STAC: variants seen among roughly 807,000 people sequenced by gnomAD.
STAC encodes SH3 and cysteine-rich domain-containing protein.
STAC carries 43 observed loss-of-function variants against 48.8 expected under a neutral mutation model. That is an observed-to-expected ratio of 0.88 (90% CI 0.69 to 1.14). The LOEUF (loss-of-function observed/expected upper bound fraction) is 1.14. Among genes scored for constraint, STAC ranks in the 50% most tolerant of loss-of-function variants. The pLI is 0.00. For synonymous variants in STAC, 193 were observed against 179.5 expected (o/e 1.07, Z -0.60); for missense variants, 497 against 504.0 (o/e 0.99, Z 0.13).
rs927181003 is a variant in STAC at position 36,530,806 on chromosome 3, C to G, written c.1110+1821C>G. 7.2e-5 allele frequency among the ~76,000 whole-genome samples: 11 copies of G among 152,040 alleles called. No homozygotes were observed. The East Asian group carries it at 9.7e-4, about 13-fold the overall frequency. ...ACAGTCAGGATTTCTCCATGTTGGT[C>G]AGGCTGGTCTCAAACTCTGGACCTC... On this transcript the variant is annotated intron_variant, in intron 10 of 10. Coordinates refer to ENST00000273183, the MANE Select transcript of STAC (RefSeq NM_003149.3).
chr3:36,466,075 A>G (rs1697161334), intron 2 of STAC, among the ~76,000 whole-genome samples: 2 of 152,334 alleles, frequency 1.3e-5, no homozygotes, highest in African/African-American at 4.8e-5. Context: ...TGATTTTTGT[A>G]TAAGGTGAGA....
chr3:36,505,674 C>T, intron 7 of STAC, 72 bp from the exon 8 acceptor site: 1 of 1,014,986 alleles, frequency 9.9e-7, no homozygotes, highest in Non-Finnish European at 1.5e-6. Context: ...TCTCCATTTC[C>T]TGTTTTCTTT....
intron 2 of STAC, among the ~76,000 whole-genome samples, chr3:36,472,274 G>A (rs759227997): frequency 9.9e-5 from 15 of 152,022 alleles, no homozygotes; most frequent in South Asian, 2.1e-4. Flanking sequence ...AGTCCCTAGC[G>A]TGGGGGCCCT....
chr3:36,460,412 C>T (rs991371926), intron 2 of STAC, among the ~76,000 whole-genome samples: 39 of 152,092 alleles, frequency 2.6e-4, no homozygotes, highest in African/African-American at 8.9e-4. Context: ...TTGGGACACA[C>T]TTGTCCCATG....
rs765548085 is a variant in STAC at position 36,514,204 on chromosome 3, C to CTTTTTTTTTTTTTT, written c.920+8388_920+8401dup. Among the ~76,000 whole-genome samples the CTTTTTTTTTTTTTT allele has an allele frequency of 5.5e-5, 2 of 36,434 alleles. 1 individual carries two copies. The highest frequency in any genetic ancestry group is 2.0e-4 in the African/African-American group (2 of 9,844). 23.9% of individuals were successfully genotyped at this position (36,434 alleles called of 152,430 possible). On this transcript the variant is annotated intron_variant, in intron 8 of 10. Coordinates refer to ENST00000273183, the MANE Select transcript of STAC (RefSeq NM_003149.3). ...TCTCTGATCCATCTACACTGGCCTT[C>CTTTTTTTTTTTTTT]TTTTTTTTTTTTTTTTTTTTTTTTT...
intron 8 of STAC, among the ~76,000 whole-genome samples, chr3:36,523,912 G>C (rs898823736): frequency 6.6e-6 from 1 of 152,202 alleles, no homozygotes; most frequent in African/African-American, 2.4e-5. Context: ...ATTAAGAAAG[G>C]GTTCAGAAGA....
intron 2 of STAC, among the ~76,000 whole-genome samples, chr3:36,460,169 C>G (rs943808121): frequency 6.6e-6 from 1 of 152,002 alleles, no homozygotes; most frequent in Admixed American, 6.6e-5. Flanking sequence ...CTGCCCCATT[C>G]TTGCCCTATA....
chr3:36,392,051 ACT>A (rs1699760720), intron 1 of STAC, among the ~76,000 whole-genome samples: 1 of 151,682 alleles, frequency 6.6e-6, no homozygotes, highest in African/African-American at 2.4e-5. Context: ...CCCCTCTAAC[ACT>A]CTGTTTTATC....
At chr3:36,454,650 G>A (rs536512169) in intron 2 of STAC, among the ~76,000 whole-genome samples, 2 of 152,074 alleles carry the variant, frequency 1.3e-5, no homozygotes, top group Non-Finnish European at 2.9e-5. Context: ...GGACCAAGTG[G>A]CAAGAGAACA....
intron 1 of STAC, among the ~76,000 whole-genome samples, chr3:36,386,379 A>G (rs73054116): frequency 0.069 from 10,407 of 150,874 alleles, 417 homozygotes; most frequent in Middle Eastern, 0.092. Flanking sequence ...GAGAGAAAAA[A>G]TGTATTGCAG....
intron 2 of STAC, among the ~76,000 whole-genome samples, chr3:36,460,635 T>A (rs552553124): frequency 1.3e-5 from 2 of 149,554 alleles, no homozygotes; most frequent in Non-Finnish European, 3.0e-5. Context: ...AGGGCAGCCC[T>A]GCACACATAC....
intron 5 of STAC, among the ~76,000 whole-genome samples, chr3:36,492,371 C>T (rs948961771): frequency 4.6e-5 from 7 of 152,082 alleles, no homozygotes; most frequent in African/African-American, 1.7e-4. Flanking sequence ...CTGGAGGCAA[C>T]GCCTGTGATT....
intron 2 of STAC, among the ~76,000 whole-genome samples, chr3:36,444,703 A>G (rs1371715301): frequency 6.6e-6 from 1 of 152,182 alleles, no homozygotes; most frequent in Non-Finnish European, 1.5e-5. Context: ...CCACCTGACA[A>G]AGGGCTTGGA....
At chr3:36,473,748 A>G (rs1697408400) in intron 2 of STAC, among the ~76,000 whole-genome samples, 1 of 152,226 alleles carries the variant, frequency 6.6e-6, no homozygotes, top group African/African-American at 2.4e-5. Flanking sequence ...GGTTTTAAAA[A>G]TTGGTAAAAC....
intron 1 of STAC, among the ~76,000 whole-genome samples, chr3:36,430,294 G>T (rs1700669393): frequency 6.6e-6 from 1 of 152,206 alleles, no homozygotes; most frequent in South Asian, 2.1e-4. Flanking sequence ...ACTGCTGCAG[G>T]TTATGGTAGA....
At chr3:36,481,261 A>C (rs897033018) in intron 2 of STAC, among the ~76,000 whole-genome samples, 1 of 152,186 alleles carries the variant, frequency 6.6e-6, no homozygotes, top group Non-Finnish European at 1.5e-5. Context: ...TGGGCTCCCA[A>C]AGCCTGCAGA....
chr3:36,538,883 C>A (rs996625316), intron 10 of STAC, among the ~76,000 whole-genome samples: 1 of 152,084 alleles, frequency 6.6e-6, no homozygotes, highest in African/African-American at 2.4e-5. Context: ...CCACATGTGA[C>A]CAATATTTTC....
rs571013762 is a variant in STAC at position 36,509,672 on chromosome 3, C to G, written c.920+3838C>G. Among the ~76,000 whole-genome samples, 3 of 151,402 alleles carry G rather than the reference C, an allele frequency of 2.0e-5. No individual in the cohort carries two copies. In the South Asian group the frequency reaches 6.3e-4, roughly 32 times the overall value. ...AAGTTGATCTTCAATCTCTGATATT[C>G]TTTCTTCTGCTTGACTGAAAAAAAC... On this transcript the variant is annotated intron_variant, in intron 8 of 10. Coordinates refer to ENST00000273183, the MANE Select transcript of STAC (RefSeq NM_003149.3).
chr3:36,486,459 T>C (rs45619738), intron 5 of STAC, among the ~76,000 whole-genome samples: 2,660 of 152,230 alleles, frequency 0.017, 21 homozygotes, highest in Non-Finnish European at 0.021. Context: ...TACTTTCCTG[T>C]CCAAAGACCA....
Sources: gnomAD v4.1 joint callset for allele counts (sites outside exome capture counted in the v4.1 genomes callset) on GRCh38, gnomAD v4.1.1 for gene constraint, MANE v1.5 for transcripts, NCBI Gene and HGNC (gene_info 2026-07-23, HGNC 2026-07-21) for gene names.